The following WWOX variants were observed in gnomAD, a reference collection of about 807,000 sequenced individuals.
The protein encoded by WWOX is WW domain-containing oxidoreductase.
Under a neutral mutation model 46.2 loss-of-function variants are expected in WWOX, and 69 were observed. The ratio of observed to expected loss-of-function variants is 1.49; its 90% CI spans 1.23 to 1.82. The LOEUF (loss-of-function observed/expected upper bound fraction) is 1.82, where lower values mean the gene tolerates loss of function less well. Among genes scored for constraint, WWOX ranks in the 40% most tolerant of loss-of-function variants. The pLI is 0.00. For missense variants in WWOX, 919 were observed against 542.6 expected (o/e 1.69, Z -6.89); for synonymous variants, 359 against 202.6 (o/e 1.77, Z -6.56).
chr16:78,233,645 G>C (rs1473494654), intron 5 of WWOX, among the ~76,000 whole-genome samples: 1 of 150,296 alleles, frequency 6.7e-6, no homozygotes, highest in Non-Finnish European at 1.5e-5. Flanking sequence ...TTCTGCCTCA[G>C]CCTCCCGAGT....
chr16:78,936,858 C>G (rs1257601957), intron 8 of WWOX, among the ~76,000 whole-genome samples: 1 of 152,162 alleles, frequency 6.6e-6, no homozygotes, highest in African/African-American at 2.4e-5. Context: ...GCTTCTGTAA[C>G]TCTTTAACTT....
intron 8 of WWOX, among the ~76,000 whole-genome samples, chr16:78,449,073 T>A (rs1166462069): frequency 6.6e-6 from 1 of 152,060 alleles, no homozygotes; most frequent in Non-Finnish European, 1.5e-5. Flanking sequence ...CAGGTAACAA[T>A]CTCAAGACTC....
chr16:78,758,914 G>A (rs1810510796), intron 8 of WWOX, among the ~76,000 whole-genome samples: 1 of 143,398 alleles, frequency 7.0e-6, no homozygotes, highest in African/African-American at 2.6e-5. Context: ...TTTATATTTT[G>A]CATTAAAAAA....
At chr16:78,491,553 C>A (rs2738713) in intron 8 of WWOX, among the ~76,000 whole-genome samples, 1 of 151,918 alleles carries the variant, frequency 6.6e-6, no homozygotes, top group Non-Finnish European at 1.5e-5. Flanking sequence ...GCCTCCGCCT[C>A]CCAGGTTCAA....
intron 8 of WWOX, among the ~76,000 whole-genome samples, chr16:78,690,158 G>C (rs979018766): frequency 3.9e-5 from 6 of 152,120 alleles, no homozygotes; most frequent in African/African-American, 1.4e-4. Flanking sequence ...ACCGAGCCCG[G>C]CCAGGATAAC....
intron 8 of WWOX, among the ~76,000 whole-genome samples, chr16:79,050,329 C>G (rs867416438): frequency 1.3e-5 from 2 of 152,154 alleles, no homozygotes; most frequent in Non-Finnish European, 2.9e-5. Context: ...GGCACTTTAG[C>G]TGGGGTGGTT....
At chr16:78,980,638 A>T (rs754963112) in intron 8 of WWOX, among the ~76,000 whole-genome samples, 1 of 152,200 alleles carries the variant, frequency 6.6e-6, no homozygotes, top group Non-Finnish European at 1.5e-5. Context: ...ATGACTGATT[A>T]TTCCATAGTT....
rs756224214 is a variant in WWOX at position 78,511,633 on chromosome 16, C to G, written c.1056+78881C>G. On this transcript the variant is annotated intron_variant, in intron 8 of 8. Coordinates refer to ENST00000566780, the MANE Select transcript of WWOX (RefSeq NM_016373.4). Reference sequence around the variant, plus strand: ...GAGTACTGCATTCAGACAGAGGTTGCCAATAAAGTTTATTGTAGGAGCTAA... The same window carrying G: ...GAGTACTGCATTCAGACAGAGGTTGGCAATAAAGTTTATTGTAGGAGCTAA... Among the ~76,000 whole-genome samples, 17 of 152,246 alleles carry G rather than the reference C, an allele frequency of 1.1e-4. No individual in the cohort carries two copies. In the Middle Eastern group the frequency reaches 0.01, roughly 91 times the overall value.
At chr16:78,781,124 C>T (rs1160912237) in intron 8 of WWOX, among the ~76,000 whole-genome samples, 3 of 152,310 alleles carry the variant, frequency 2.0e-5, no homozygotes, top group Middle Eastern at 6.8e-3. Flanking sequence ...TTGTTTCTGA[C>T]AGGTAAATCA....
intron 8 of WWOX, among the ~76,000 whole-genome samples, chr16:79,051,539 G>A (rs976882667): frequency 6.7e-6 from 1 of 148,790 alleles, no homozygotes. Flanking sequence ...CTGCCTGCAA[G>A]GGAGGCTGGG....
intron 8 of WWOX, among the ~76,000 whole-genome samples, chr16:78,843,715 A>C (rs1021146149): frequency 1.3e-5 from 2 of 152,238 alleles, no homozygotes; most frequent in African/African-American, 2.4e-5. Context: ...ATCATTAAGT[A>C]AGTCCACAAA....
At chr16:78,569,826 A>T (rs1401635727) in intron 8 of WWOX, among the ~76,000 whole-genome samples, 1 of 152,138 alleles carries the variant, frequency 6.6e-6, no homozygotes, top group Non-Finnish European at 1.5e-5. Flanking sequence ...CTGCTAATAA[A>T]CCATATTCGT....
intron 8 of WWOX, among the ~76,000 whole-genome samples, chr16:78,620,483 C>T (rs747184634): frequency 5.9e-5 from 9 of 152,180 alleles, no homozygotes; most frequent in Admixed American, 2.6e-4. Flanking sequence ...ATAGCTGTAT[C>T]ATTGGCAGAG....
At chr16:78,494,161 C>G (rs2978629) in intron 8 of WWOX, among the ~76,000 whole-genome samples, 112,876 of 152,032 alleles carry the variant, frequency 0.74, 44,275 homozygotes, top group Admixed American at 0.87. Context: ...TAGGGAGGTG[C>G]TAGATGCTTT....
At chr16:78,876,002 C>G (rs1356788582) in intron 8 of WWOX, among the ~76,000 whole-genome samples, 1 of 152,214 alleles carries the variant, frequency 6.6e-6, no homozygotes. Context: ...CACTTTAGGT[C>G]TCCCACCCTC....
At chr16:78,801,088 C>G (rs946872975) in intron 8 of WWOX, among the ~76,000 whole-genome samples, 9 of 151,312 alleles carry the variant, frequency 5.9e-5, no homozygotes, top group African/African-American at 1.7e-4. Context: ...GAGTCTCACT[C>G]TGTTGCCCAG....
intron 8 of WWOX, among the ~76,000 whole-genome samples, chr16:79,185,498 C>G (rs1307883501): frequency 0.011 from 1 of 94 alleles, no homozygotes; most frequent in Non-Finnish European, 0.025. Context: ...AGATGTGACA[C>G]CTCCTGCCCC....
At position 78,701,018 on chromosome 16, in the gene WWOX, A is replaced by T. The variant is rs1049838737; in HGVS notation, c.1056+268266A>T. Reference sequence around the variant, plus strand: ...AGCTAGGCTGCCTAGGTTTGAATCCAGGGTCTGCCAGATGTAGATGTGTGA... The same window carrying T: ...AGCTAGGCTGCCTAGGTTTGAATCCTGGGTCTGCCAGATGTAGATGTGTGA... On this transcript the variant is annotated intron_variant, in intron 8 of 8. Coordinates refer to ENST00000566780, the MANE Select transcript of WWOX (RefSeq NM_016373.4). Among the ~76,000 whole-genome samples, 4 of 152,180 alleles carry T rather than the reference A, an allele frequency of 2.6e-5. No individual in the cohort carries two copies. The East Asian group carries it at 7.7e-4, about 29-fold the overall frequency.
chr16:78,424,976 T>C lies in WWOX; in HGVS notation c.712T>C (p.Tyr238His). The change falls in exon 7 of 9, where the codon TAC becomes CAC. Residue 238 changes from tyrosine (Y) to histidine (H), a missense_variant. By Grantham distance (83) the Tyr-to-His change is moderately conservative. Coordinates refer to ENST00000566780, the MANE Select transcript of WWOX (RefSeq NM_016373.4). Reference sequence around the variant, plus strand: ...TCAAGTGAATCATCTGGGGCACTTCTACCTTGTCCAGCTCCTCCAGGATGT... The same window carrying C: ...TCAAGTGAATCATCTGGGGCACTTCCACCTTGTCCAGCTCCTCCAGGATGT... ...TFQVNHLGHF[Y>H]LVQLLQDVLC... 1.2e-6 allele frequency: 2 copies of C among 1,614,204 alleles called. No individual in the cohort carries two copies. The highest frequency in any genetic ancestry group is 2.7e-5 in the African/African-American group (2 of 75,062).
Sources: allele counts gnomAD v4.1 joint callset (sites outside exome capture counted in the v4.1 genomes callset), GRCh38; gene constraint gnomAD v4.1.1; transcripts MANE v1.5; gene names NCBI Gene and HGNC (gene_info 2026-07-23, HGNC 2026-07-21).